Variants in HIP1 observed in about 807,000 individuals in gnomAD.
HIP1 encodes huntingtin interacting protein 1.
A neutral mutation model predicts 147.6 loss-of-function variants in HIP1; 65 were observed. That is an observed-to-expected ratio of 0.44 (90% CI 0.36 to 0.54). The LOEUF (loss-of-function observed/expected upper bound fraction) is 0.54, where lower values mean the gene tolerates loss of function less well. Among genes scored for constraint, HIP1 ranks in the 20% least tolerant of loss-of-function variants. The probability of loss-of-function intolerance (pLI) is 0.00; values close to 1 mark genes in which losing one functional copy is unlikely to be tolerated. For synonymous variants in HIP1, 479 were observed against 504.0 expected (o/e 0.95, Z 0.67); for missense variants, 1,061 against 1,299.6 (o/e 0.82, Z 2.82).
rs545492117 is a variant in HIP1 at position 75,650,659 on chromosome 7, G to A, written c.121-51412C>T. Among the ~76,000 whole-genome samples the A allele has an allele frequency of 7.2e-5, 11 of 152,150 alleles. 1 individual carries two copies. Among genetic ancestry groups the A allele is most frequent in the African/African-American group, 2.6e-4 (11 of 41,516 alleles). On this transcript the variant is annotated intron_variant, in intron 1 of 30. Coordinates refer to ENST00000336926, the MANE Select transcript of HIP1 (RefSeq NM_005338.7). ...GTAGAGACGGGGTTTCGCCATGTTGGCCAGACTGGTTTCAAACTCCTCGGC... is the reference window on the plus strand; with the variant it reads ...GTAGAGACGGGGTTTCGCCATGTTGACCAGACTGGTTTCAAACTCCTCGGC...
Position 75,562,955 on chromosome 7 carries a change from C to T in HIP1, c.1000G>A (p.Asp334Asn). The T allele has an allele frequency of 6.2e-7, 1 of 1,614,208 alleles. No homozygotes were observed. ...EPVLEKDDLM[D>N]MDASQQNLFD... ...CTCACCTGCTGAGAGGCATCCATGT[C>T]CATGAGGTCATCCTTCTCTAGGACT... Residue 334 changes from aspartate (D) to asparagine (N), a missense_variant, in exon 11 of 31, where the codon GAC (aspartate) becomes AAC (asparagine). By Grantham distance (23) the Asp-to-Asn change is conservative. Around this residue, in one of 3 missense-constraint regions of HIP1, gnomAD observed 810 missense variants for 946.8 expected, o/e 0.86. Transcript: ENST00000336926.
intron 30 of HIP1, among the ~76,000 whole-genome samples, chr7:75,538,971 C>T (rs147000522): frequency 8.5e-5 from 13 of 152,252 alleles, no homozygotes; most frequent in Non-Finnish European, 1.3e-4. Flanking sequence ...TGCCAGATCT[C>T]GACTGACCAC....
At chr7:75,651,329 G>C (rs553019073) in intron 1 of HIP1, among the ~76,000 whole-genome samples, 32 of 151,692 alleles carry the variant, frequency 2.1e-4, no homozygotes, top group African/African-American at 7.7e-4. Context: ...CATGGTAGTG[G>C]GCACCTATAG....
intron 1 of HIP1, among the ~76,000 whole-genome samples, chr7:75,650,637 G>T (rs984464753): frequency 3.3e-5 from 5 of 152,052 alleles, no homozygotes; most frequent in Admixed American, 6.6e-5. Context: ...ATTTTTAGTA[G>T]AGACGGGGTT....
intron 1 of HIP1, among the ~76,000 whole-genome samples, chr7:75,720,915 G>A (rs1369071223): frequency 8.6e-5 from 13 of 151,918 alleles, no homozygotes; most frequent in Non-Finnish European, 1.8e-4. Flanking sequence ...GAACATGCCT[G>A]TAATCCCAGC....
intron 1 of HIP1, among the ~76,000 whole-genome samples, chr7:75,650,753 T>C (rs1798948888): frequency 6.6e-6 from 1 of 152,246 alleles, no homozygotes; most frequent in Admixed American, 6.6e-5. Flanking sequence ...TCCAAAGCAG[T>C]GTCCCAGAAG....
At chr7:75,563,295 G>A in intron 9 of HIP1, 32 bp from the exon 10 acceptor site, 3 of 1,602,232 alleles carry the variant, frequency 1.9e-6, no homozygotes, top group Non-Finnish European at 2.6e-6. Flanking sequence ...AGGGGTGCTG[G>A]GTGTCTTCAT....
intron 1 of HIP1, among the ~76,000 whole-genome samples, chr7:75,605,370 A>T (rs1471053501): frequency 6.6e-6 from 1 of 152,132 alleles, no homozygotes; most frequent in African/African-American, 2.4e-5. Context: ...GGGGGGATGG[A>T]GGAGAAGCCA....
intron 4 of HIP1, among the ~76,000 whole-genome samples, chr7:75,587,083 G>C (rs1255375966): frequency 6.6e-6 from 1 of 152,146 alleles, no homozygotes; most frequent in East Asian, 1.9e-4. Context: ...TGGGATTACA[G>C]GCACGCACCA....
chr7:75,638,944 T>A (rs952981733), intron 1 of HIP1: 43 of 342,438 alleles, frequency 1.3e-4, no homozygotes, highest in African/African-American at 4.6e-5. Flanking sequence ...GGATCAACAA[T>A]CCAGAAACTT....
At chr7:75,595,558 G>T (rs587662858) in intron 2 of HIP1, among the ~76,000 whole-genome samples, 201 of 151,974 alleles carry the variant, frequency 1.3e-3, no homozygotes, top group African/African-American at 4.7e-3. Flanking sequence ...TGCTCAGGCT[G>T]GTCTCGAACT....
chr7:75,622,817 T>C (rs1797888716), intron 1 of HIP1, among the ~76,000 whole-genome samples: 1 of 152,062 alleles, frequency 6.6e-6, no homozygotes, highest in South Asian at 2.1e-4. Flanking sequence ...CACTCCAGCC[T>C]GGGCAACAGA....
At chr7:75,582,361 G>GA (rs1360929337) in intron 5 of HIP1, among the ~76,000 whole-genome samples, 3 of 151,822 alleles carry the variant, frequency 2.0e-5, no homozygotes, top group African/African-American at 7.3e-5. Flanking sequence ...AAACAAAAAA[G>GA]AAAAAAAGAA....
At chr7:75,632,561 C>CTCTT (rs1563258031) in intron 1 of HIP1, among the ~76,000 whole-genome samples, 1 of 134,262 alleles carries the variant, frequency 7.4e-6, no homozygotes, top group Non-Finnish European at 1.6e-5. Flanking sequence ...CTAATTTTTT[C>CTCTT]TTTTTTTTTT....
chr7:75,650,413 G>T (rs1290781382), intron 1 of HIP1, among the ~76,000 whole-genome samples: 1 of 150,990 alleles, frequency 6.6e-6, no homozygotes, highest in East Asian at 1.9e-4. Context: ...CTGCTTCTCC[G>T]CTGGAGGACA....
chr7:75,621,500 C>T (rs1212267448), intron 1 of HIP1, among the ~76,000 whole-genome samples: 4 of 152,178 alleles, frequency 2.6e-5, no homozygotes, highest in African/African-American at 9.7e-5. Flanking sequence ...AAGCGATCCT[C>T]CTGCCTTGGC....
intron 21 of HIP1, 56 bp downstream of exon 21, chr7:75,554,057 T>G: frequency 7.2e-7 from 1 of 1,394,742 alleles, no homozygotes; most frequent in South Asian, 1.2e-5. Context: ...ACAGAGACTT[T>G]TAAAGGCCCC....
intron 1 of HIP1, among the ~76,000 whole-genome samples, chr7:75,639,634 T>C (rs1798579482): frequency 6.7e-6 from 1 of 149,396 alleles, no homozygotes; most frequent in South Asian, 2.1e-4. Flanking sequence ...CATGCATGCG[T>C]GTGTTTTGGT....
chr7:75,559,703 G>GGGCGGC, intron 14 of HIP1, 29 bp downstream of exon 14: 3 of 1,195,142 alleles, frequency 2.5e-6, no homozygotes, highest in Non-Finnish European at 3.5e-6. Context: ...TGCCCCCGGG[G>GGGCGGC]CCCGCCCCCG....
Sources: allele counts gnomAD v4.1 joint callset (sites outside exome capture counted in the v4.1 genomes callset), GRCh38; gene constraint gnomAD v4.1.1; regional missense constraint gnomAD v4.1.1; transcripts MANE v1.5; gene names NCBI Gene and HGNC (gene_info 2026-07-23, HGNC 2026-07-21).